The following MCRS1 variants were observed in gnomAD, a reference collection of about 807,000 sequenced individuals.
MCRS1 encodes the protein microspherule protein 1, also known as 58 kDa microspherule protein.
A neutral mutation model predicts 62.9 loss-of-function variants in MCRS1; 22 were observed. That is an observed-to-expected ratio of 0.35 (90% confidence interval 0.25 to 0.50). The LOEUF is 0.50. MCRS1 is among the 20% of genes least tolerant of loss of function. MCRS1 has a pLI of 0.98. For missense variants in MCRS1, 456 were observed against 601.1 expected, an observed-to-expected ratio of 0.76 and a Z score of 2.52; for synonymous variants, 244 against 233.5, an observed-to-expected ratio of 1.04 and a Z score of -0.41.
intron 9 of MCRS1, 21 bp downstream of exon 9, chr12:49,560,274 C>T (rs1329622713): frequency 3.7e-6 from 6 of 1,612,708 alleles, no homozygotes; most frequent in Non-Finnish European, 5.1e-6. Flanking sequence ...TCCACCCCTT[C>T]CTGTGTCTCC....
Position 49,563,015 on chromosome 12 carries a change from A to G in MCRS1, c.791T>C (p.Leu264Pro), listed in dbSNP as rs746092710. ...HWQLMKQYYL[L>P]EDQTVQPLPK... The stretch of plus-strand genomic sequence containing the variant: ...TGGGGCGTTACCTGTCTGGTCCTCC[A>G]GCAGGTAATACTGCTTCATGAGCTG... The change falls in exon 8 of 15, where the codon CTG becomes CCG. Residue 264 changes from leucine to proline, a missense_variant. By Grantham distance (98) the Leu-to-Pro change is moderately conservative. Coordinates refer to ENST00000343810, the MANE Select transcript of MCRS1 (RefSeq NM_006337.5). The G allele has an allele frequency of 6.3e-7, 1 of 1,599,340 alleles. No individual in the cohort carries two copies. Among genetic ancestry groups the G allele is most frequent in the Non-Finnish European group, 8.5e-7 (1 of 1,171,922 alleles).
chr12:49,560,926 G>C (rs1232134430), intron 8 of MCRS1, among the ~76,000 whole-genome samples: 3 of 152,122 alleles, frequency 2.0e-5, no homozygotes, highest in Admixed American at 1.3e-4. Context: ...CTTGATCTGG[G>C]GTCATGACCT....
Position 49,566,765 on chromosome 12 carries a change from C to A in MCRS1, c.-34G>T, listed in dbSNP as rs764550488. ...AGTCCCAAAGCCACTGGTTCCAAACCACCGGGCTAGGAGGAACGGTCCCAC... is the reference window on the plus strand; with the variant it reads ...AGTCCCAAAGCCACTGGTTCCAAACAACCGGGCTAGGAGGAACGGTCCCAC... On this transcript the variant is annotated 5_prime_UTR_variant, in exon 2 of 15. Transcript: ENST00000343810. The A allele has an allele frequency of 1.2e-6, 2 of 1,612,822 alleles. No homozygotes were observed. Among genetic ancestry groups the A allele is most frequent in the Admixed American group, 1.7e-5 (1 of 59,904 alleles).
chr12:49,565,973 G>C, intron 3 of MCRS1, 104 bp downstream of exon 3: 1 of 1,479,018 alleles, frequency 6.8e-7, no homozygotes, highest in Non-Finnish European at 9.2e-7. Flanking sequence ...TAAGGCCCCA[G>C]AGGGGCTCAG....
Position 49,565,413 on chromosome 12 carries a change from G to A in MCRS1, c.288+116C>T, listed in dbSNP as rs996242602. On this transcript the variant is annotated intron_variant, in intron 4 of 14. Transcript: ENST00000343810. ...GGGGGGCATCTGAGATGAGGGCTGG[G>A]GCAGCTTGGTCCTCTCACCAGCCTG... is the stretch of plus-strand genomic sequence containing the variant. The A allele has an allele frequency of 9.3e-6, 14 of 1,511,890 alleles. No homozygotes were observed. The African/African-American group carries it at 1.8e-4, about 20-fold the overall frequency. The allele number at this position is 1,511,890 out of a possible 1,614,324, so 93.7% of individuals were successfully genotyped here. A position where few individuals can be genotyped will look rare whatever the true frequency, so the allele number is the denominator to read the frequency against.
rs984076689 is a variant in MCRS1 at position 49,564,985 on chromosome 12, C to A, written c.289-90G>T. 3.4e-6 allele frequency: 5 copies of A among 1,464,592 alleles called. No homozygotes were observed. In the African/African-American group the frequency reaches 5.7e-5, roughly 17 times the overall value. 90.7% of individuals were successfully genotyped at this position (1,464,592 alleles called of 1,614,324 possible). ...TAGAGTTTCACATACTCTGTGGCAG[C>A]GGCAGCCCCAGCCCCAGCCTCAGCA... On this transcript the variant is annotated intron_variant, in intron 4 of 14. Transcript: ENST00000343810.
rs1399674781 is a variant in MCRS1, at chr12:49,564,572, C to G, written c.466G>C (p.Val156Leu). 9 of 1,610,598 alleles carry G rather than the reference C, an allele frequency of 5.6e-6. No individual in the cohort carries two copies. Among genetic ancestry groups the G allele is most frequent in the Non-Finnish European group, 7.6e-6 (9 of 1,178,498 alleles). Residue 156 changes from valine (V) to leucine (L), a missense_variant, in exon 6 of 15, where the codon GTC (valine) becomes CTC (leucine). By Grantham distance (32) the Val-to-Leu change is conservative (BLOSUM62 1). Coordinates refer to ENST00000343810, the MANE Select transcript of MCRS1 (RefSeq NM_006337.5). The stretch of plus-strand genomic sequence containing the variant: ...CAGCTGAATTTCACGCCCAGGTGGA[C>G]GGAGGTCAGGTCGTTGGTCTGCAAG... ...AVLQTNDLTS[V>L]HLGVKFSCRF...
rs766702634 is a variant in MCRS1, at chr12:49,564,880, TG to T, written c.303del (p.Ser102AlafsTer18). ...SSEKKKVSKA[P>X]STPVPPSPAP... ...GCTGGGCTGGGTGGCACAGGAGTGC[TG>T]GGGGCTTTGGATACCTGGGCAGAGG... On this transcript the variant is annotated frameshift_variant, in exon 5 of 15. Coordinates refer to ENST00000343810, the MANE Select transcript of MCRS1 (RefSeq NM_006337.5). LOFTEE classifies it high-confidence loss of function. 2 of 1,600,162 alleles carry T rather than the reference TG, an allele frequency of 1.2e-6. No homozygotes were observed. Among genetic ancestry groups the T allele is most frequent in the Admixed American group, 1.7e-5 (1 of 57,414 alleles).
intron 1 of MCRS1, among the ~76,000 whole-genome samples, 168 bp from the exon 2 acceptor site, chr12:49,567,009 G>C (rs960270605): frequency 2.0e-5 from 3 of 152,228 alleles, no homozygotes; most frequent in African/African-American, 7.2e-5. Flanking sequence ...CATCAGTCTT[G>C]TGAAGGTCAC....
chr12:49,559,669 G>A lies in MCRS1; in HGVS notation c.1003+60C>T. 2.5e-6 allele frequency: 4 copies of A among 1,601,082 alleles called. No homozygotes were observed. Among genetic ancestry groups the A allele is most frequent in the Non-Finnish European group, 3.4e-6 (4 of 1,169,438 alleles). On this transcript the variant is annotated intron_variant, in intron 11 of 14. Coordinates refer to ENST00000343810, the MANE Select transcript of MCRS1 (RefSeq NM_006337.5). The surrounding 1 kb of genome is among the most constrained non-coding windows in gnomAD (Gnocchi z 5.2). ...GTCTCCCCAGCCAGGCAGCAACAGG[G>A]GCACAGGCTGGGGCGAAGGATGCTG...
intron 8 of MCRS1, among the ~76,000 whole-genome samples, chr12:49,560,722 T>A (rs138280831): frequency 6.6e-6 from 1 of 152,306 alleles, no homozygotes; most frequent in Non-Finnish European, 1.5e-5. Context: ...GGTTAAACTA[T>A]GTGACCCTAG....
At position 49,559,913 on chromosome 12, in the gene MCRS1, T is replaced by C. The variant is rs1938669490; in HGVS notation, c.910+26A>G. On this transcript the variant is annotated intron_variant, in intron 10 of 14. Transcript: ENST00000343810. This position sits in a 1 kb window ranked among gnomAD's most constrained non-coding sequence, Gnocchi z 5.2. ...GATTCTGGCAGGAGCTTCCATCCCC[T>C]CACCACCCCATGAGGCCATACTTAC... 2 of 1,613,942 alleles carry C rather than the reference T, an allele frequency of 1.2e-6. No individual in the cohort carries two copies. The highest frequency in any genetic ancestry group is 1.3e-5 in the African/African-American group (1 of 74,882).
chr12:49,561,346 T>C (rs1365449547), intron 8 of MCRS1, among the ~76,000 whole-genome samples: 7 of 152,164 alleles, frequency 4.6e-5, no homozygotes, highest in African/African-American at 1.7e-4. Flanking sequence ...GGGCCATAGA[T>C]GCTCCTCTTC....
At chr12:49,560,020 A>G in intron 9 of MCRS1, 53 bp from the exon 10 acceptor site, 2 of 1,611,946 alleles carry the variant, frequency 1.2e-6, no homozygotes, top group Non-Finnish European at 1.7e-6. Context: ...CTTGCCTGTT[A>G]CTTGGCTCAT....
chr12:49,560,146 G>C, intron 9 of MCRS1, 149 bp downstream of exon 9: 1 of 1,176,990 alleles, frequency 8.5e-7, no homozygotes, highest in Admixed American at 1.8e-5. Flanking sequence ...CGGAGCCTAA[G>C]AAGGCCCCAG....
chr12:49,563,568 G>C (rs1026646175), intron 6 of MCRS1, 22 bp from the exon 7 acceptor site: 10 of 1,576,980 alleles, frequency 6.3e-6, no homozygotes, highest in Non-Finnish European at 7.8e-6. Context: ...AAGAGACAGA[G>C]GGGAGGGGTG....
chr12:49,563,644 C>A, intron 6 of MCRS1, 98 bp from the exon 7 acceptor site: 1 of 874,648 alleles, frequency 1.1e-6, no homozygotes. Context: ...TTTTGAGATC[C>A]AGAACCTAGA....
At chr12:49,565,067 C>A (rs1938982953) in intron 4 of MCRS1, 172 bp from the exon 5 acceptor site, 1 of 985,172 alleles carries the variant, frequency 1.0e-6, no homozygotes, top group Non-Finnish European at 1.2e-6. Flanking sequence ...CTAATACCCA[C>A]CCCCATCCCA....
At chr12:49,562,311 ACAGACCT>A (rs1277344689) in intron 8 of MCRS1, among the ~76,000 whole-genome samples, 1 of 152,254 alleles carries the variant, frequency 6.6e-6, no homozygotes, top group Non-Finnish European at 1.5e-5. Context: ...AACCCGAATT[ACAGACCT>A]CACTGGGGAG....
Sources: allele counts gnomAD v4.1 joint callset (sites outside exome capture counted in the v4.1 genomes callset), GRCh38; gene constraint gnomAD v4.1.1; non-coding constraint Gnocchi (gnomAD v3.1); transcripts MANE v1.5; gene names NCBI Gene and HGNC (gene_info 2026-07-23, HGNC 2026-07-21).